The following PARP16 variants were observed in gnomAD, a reference collection of about 807,000 sequenced individuals.
PARP16 encodes the protein protein mono-ADP-ribosyltransferase PARP16.
Under a neutral mutation model 35.0 loss-of-function variants are expected in PARP16, and 31 were observed. The ratio of observed to expected loss-of-function variants is 0.88; its 90% CI spans 0.66 to 1.19. PARP16 has a LOEUF of 1.19. Ranked by LOEUF, PARP16 falls within the 50% of genes most tolerant of loss-of-function variation. The pLI, the probability that PARP16 is intolerant of heterozygous loss-of-function variation, is 0.00. For synonymous variants in PARP16, 162 were observed against 169.5 expected (o/e 0.96, Z 0.34); for missense variants, 424 against 411.2 (o/e 1.03, Z -0.27).
chr15:65,248,392 C>A (rs2089267499), intron 2 of PARP16, among the ~76,000 whole-genome samples: 1 of 152,042 alleles, frequency 6.6e-6, no homozygotes, highest in African/African-American at 2.4e-5. Context: ...CATGAGTACC[C>A]CCACAAACAC....
intron 3 of PARP16, among the ~76,000 whole-genome samples, chr15:65,266,143 G>A (rs1000769355): frequency 1.3e-5 from 2 of 152,066 alleles, no homozygotes; most frequent in African/African-American, 4.8e-5. Context: ...TGGCCAGGCT[G>A]GTCTGGAACT....
At chr15:65,252,207 AG>A (rs746945399) in intron 2 of PARP16, among the ~76,000 whole-genome samples, 6 of 152,172 alleles carry the variant, frequency 3.9e-5, no homozygotes, top group African/African-American at 7.2e-5. Context: ...AGAGTGGGAA[AG>A]GGAGTTGGTT....
At chr15:65,277,522 G>C (rs2090293309) in intron 1 of PARP16, among the ~76,000 whole-genome samples, 1 of 152,198 alleles carries the variant, frequency 6.6e-6, no homozygotes, top group Non-Finnish European at 1.5e-5. Context: ...TAAATGCTTT[G>C]CATGAATTTA....
intron 2 of PARP16, among the ~76,000 whole-genome samples, chr15:65,268,002 CTT>C (rs1323782987): frequency 6.6e-6 from 1 of 152,048 alleles, no homozygotes; most frequent in Non-Finnish European, 1.5e-5. Flanking sequence ...CTTCCTAACA[CTT>C]TTACATCTAT....
chr15:65,260,824 TACA>T, intron 5 of PARP16, 58 bp downstream of exon 5: 2 of 1,542,502 alleles, frequency 1.3e-6, no homozygotes, highest in East Asian at 4.5e-5. Flanking sequence ...GGCTGATACC[TACA>T]ACAACTAAGA....
At chr15:65,231,550 A>C (rs1486929050), downstream of PARP16, among the ~76,000 whole-genome samples, 2 of 151,704 alleles carry the variant, frequency 1.3e-5, no homozygotes, top group Non-Finnish European at 2.9e-5. Context: ...CCCCAGTTCA[A>C]GAGATTCTTG....
downstream of PARP16, chr15:65,234,428 A>T (rs1289190342): frequency 1.3e-5 from 2 of 152,206 alleles, no homozygotes; most frequent in Non-Finnish European, 2.9e-5. Context: ...GTTGTCAGTT[A>T]AACCTTTCAC....
intron 3 of PARP16, among the ~76,000 whole-genome samples, chr15:65,235,913 A>G (rs1236947936): frequency 1.5e-5 from 2 of 130,404 alleles, no homozygotes; most frequent in Admixed American, 8.6e-5. Context: ...CCCAGGCTGG[A>G]GTGCAGTGGC....
chr15:65,257,560 G>A (rs955307074), downstream of PARP16, among the ~76,000 whole-genome samples: 1 of 151,180 alleles, frequency 6.6e-6, no homozygotes, highest in African/African-American at 2.4e-5. Context: ...AACCCGGGAG[G>A]CAGAGGCTGC....
rs555646301 is a variant in PARP16, at chr15:65,274,212, G to C, written c.175-3140C>G. 2.1e-3 allele frequency among the ~76,000 whole-genome samples: 315 copies of C among 151,338 alleles called. 3 individuals are homozygous for C. The highest frequency in any genetic ancestry group is 7.5e-3 in the African/African-American group (310 of 41,312). ...TCCTGCCTCAGCCTCCCAAAGTGCT[G>C]TGATTACAGGCATGAGCCACCAAGC... On this transcript the variant is annotated intron_variant, in intron 1 of 5. Coordinates refer to ENST00000649807, the MANE Select transcript of PARP16 (RefSeq NM_001316943.2).
At chr15:65,262,526 T>C (rs1007735229) in intron 4 of PARP16, among the ~76,000 whole-genome samples, 2 of 152,048 alleles carry the variant, frequency 1.3e-5, no homozygotes, top group Admixed American at 6.5e-5. Context: ...ACAAGGCAAA[T>C]AGTCTCAGGG....
chr15:65,261,535 A>G (rs2089719228), intron 4 of PARP16, among the ~76,000 whole-genome samples: 2 of 150,992 alleles, frequency 1.3e-5, no homozygotes, highest in South Asian at 4.2e-4. Context: ...GGCTTACTAC[A>G]ACCTCTGCCT....
exon 4 of PARP16, chr15:65,234,606 G>A (rs564735880): frequency 6.6e-6 from 1 of 152,254 alleles, no homozygotes; most frequent in East Asian, 1.9e-4. Flanking sequence ...CATGATTCTG[G>A]GAGTAACTGG....
chr15:65,234,988 A>G (rs4776673), intron 3 of PARP16, among the ~76,000 whole-genome samples: 12,474 of 152,114 alleles, frequency 0.082, 608 homozygotes, highest in Middle Eastern at 0.16. Context: ...GTCTCTACTA[A>G]AAATACAAAA....
chr15:65,240,312 T>TGTGG (rs1567008503), intron 3 of PARP16, among the ~76,000 whole-genome samples: 13 of 102,130 alleles, frequency 1.3e-4, no homozygotes, highest in East Asian at 4.8e-4. Flanking sequence ...GTGTGTGTGG[T>TGTGG]GGGGGGGGCT....
At chr15:65,254,675 A>C (rs1378898462), downstream of PARP16, among the ~76,000 whole-genome samples, 2 of 152,146 alleles carry the variant, frequency 1.3e-5, no homozygotes, top group African/African-American at 2.4e-5. Context: ...AACGGGATGA[A>C]TGCTGCTGAC....
chr15:65,286,197 C>A, intron 1 of PARP16, 56 bp downstream of exon 1: 1 of 1,396,436 alleles, frequency 7.2e-7, no homozygotes, highest in Non-Finnish European at 9.5e-7. Context: ...ACCTGTGGTT[C>A]CACAGGGCAC....
intron 2 of PARP16, among the ~76,000 whole-genome samples, chr15:65,269,194 T>C (rs79476436): frequency 0.26 from 36,409 of 138,578 alleles, 5,098 homozygotes; most frequent in Admixed American, 0.33. Flanking sequence ...CTTTCTTTCT[T>C]TCTTTCTTTC....
At position 65,266,156 on chromosome 15, in the gene PARP16, C is replaced by T. The variant is rs534059063; in HGVS notation, c.519+406G>A. On this transcript the variant is annotated intron_variant, in intron 3 of 5. Transcript: ENST00000649807. ...GTTGGCCAGGCTGGTCTGGAACTCC[C>T]TCAGCCTCCCAAAGTCCTGGGATTA... Among the ~76,000 whole-genome samples the T allele has an allele frequency of 5.5e-4, 84 of 152,142 alleles. No individual in the cohort carries two copies. The Middle Eastern group carries it at 0.014, about 25-fold the overall frequency.
Sources: allele counts gnomAD v4.1 joint callset (sites outside exome capture counted in the v4.1 genomes callset), GRCh38; gene constraint gnomAD v4.1.1; transcripts MANE v1.5; gene names NCBI Gene and HGNC (gene_info 2026-07-23, HGNC 2026-07-21).